PDZD8: variants seen among roughly 807,000 people sequenced by gnomAD.
PDZD8 encodes the protein PDZ domain-containing protein 8.
A neutral mutation model predicts 85.8 loss-of-function variants in PDZD8; 14 were observed. That is an observed-to-expected ratio of 0.16 (90% CI 0.11 to 0.26). The LOEUF is 0.26. Among genes scored for constraint, PDZD8 ranks in the 10% least tolerant of loss-of-function variants. The pLI is 1.00. For missense variants in PDZD8, 1,197 were observed against 1,424.3 expected (o/e 0.84, Z 2.57); for synonymous variants, 592 against 568.6 (o/e 1.04, Z -0.59).
rs1318873744 is a variant in PDZD8, at chr10:117,279,407, A to ACTT, written c.*3858_*3860dup. The ACTT allele has an allele frequency of 1.3e-5, 2 of 152,194 alleles. No individual in the cohort carries two copies. The highest frequency in any genetic ancestry group is 4.8e-5 in the African/African-American group (2 of 41,452). 9.4% of individuals were successfully genotyped at this position (152,194 alleles called of 1,614,324 possible). On this transcript the variant is annotated 3_prime_UTR_variant, in exon 5 of 5. Transcript: ENST00000334464. ...TATCTGTCCATATTTTAGCAAGTTT[A>ACTT]CTTAATAAATCTTCTGAACCATGTT...
chr10:117,356,009 G>A (rs1235670370), intron 1 of PDZD8, among the ~76,000 whole-genome samples: 1 of 151,932 alleles, frequency 6.6e-6, no homozygotes, highest in Non-Finnish European at 1.5e-5. Context: ...TTATATGCTC[G>A]TTTTTCTCTT....
rs79004036 is a variant in PDZD8 at position 117,361,675 on chromosome 10, C to T, written c.872+12681G>A. ...CAAATATGAAGGGACAACAAAAAATCTGAATAAGACAAATAAGGAGAAGTT... is the reference window on the plus strand; with the variant it reads ...CAAATATGAAGGGACAACAAAAAATTTGAATAAGACAAATAAGGAGAAGTT... On this transcript the variant is annotated intron_variant, in intron 1 of 4. Transcript: ENST00000334464. Among the ~76,000 whole-genome samples the T allele has an allele frequency of 2.7e-3, 417 of 152,142 alleles. 6 individuals are homozygous for T. Among genetic ancestry groups the T allele is most frequent in the African/African-American group, 9.1e-3 (378 of 41,522 alleles).
chr10:117,369,157 T>C (rs1845144065), intron 1 of PDZD8, among the ~76,000 whole-genome samples: 2 of 151,214 alleles, frequency 1.3e-5, no homozygotes. Flanking sequence ...TATTTATTTA[T>C]TTATTTATTT....
chr10:117,374,820 G>A lies in PDZD8; in HGVS notation c.408C>T (p.Ala136=), dbSNP rs567181925. Residue 136 remains alanine (A), a synonymous_variant, in exon 1 of 5, where the codon GCC becomes GCT. Coordinates refer to ENST00000334464, the MANE Select transcript of PDZD8 (RefSeq NM_173791.5). The surrounding 1 kb of genome is among the most constrained non-coding windows in gnomAD (Gnocchi z 7.8). Reference sequence around the variant, plus strand: ...GGCTCAGCCCCTCCAGCAGGCGCCCGGCCGTCTTGGTCTGCAGCAGCTCCT... The same window carrying A: ...GGCTCAGCCCCTCCAGCAGGCGCCCAGCCGTCTTGGTCTGCAGCAGCTCCT... The part of the protein sequence containing the change: ...EFEELLQTKT[A]GRLLEGLSLR... 27 of 1,613,378 alleles carry A rather than the reference G, an allele frequency of 1.7e-5. No homozygotes were observed. The Admixed American group carries it at 4.0e-4, about 24-fold the overall frequency.
At chr10:117,287,181 A>G (rs1000538571) in intron 4 of PDZD8, among the ~76,000 whole-genome samples, 3 of 152,004 alleles carry the variant, frequency 2.0e-5, no homozygotes, top group African/African-American at 7.3e-5. Flanking sequence ...TGCTCTATCA[A>G]TTATCCTTAA....
chr10:117,300,768 G>A lies in PDZD8; in HGVS notation c.1099-10420C>T, dbSNP rs1843833360. ...TTTTATTAGTACCCTTATAAAAGAAGCCTGAGAGAACACCCTTATCCCTTC... is the reference window on the plus strand; with the variant it reads ...TTTTATTAGTACCCTTATAAAAGAAACCTGAGAGAACACCCTTATCCCTTC... On this transcript the variant is annotated intron_variant, in intron 3 of 4. Transcript: ENST00000334464. 2.0e-5 allele frequency among the ~76,000 whole-genome samples: 3 copies of A among 152,108 alleles called. No homozygotes were observed. The South Asian group carries it at 6.2e-4, about 32-fold the overall frequency.
intron 2 of PDZD8, among the ~76,000 whole-genome samples, chr10:117,333,244 G>A (rs1166606253): frequency 6.6e-6 from 1 of 151,744 alleles, no homozygotes; most frequent in African/African-American, 2.4e-5. Flanking sequence ...GTAACTTGTG[G>A]ATCTCAGTTC....
At chr10:117,327,024 T>C (rs909766597) in intron 2 of PDZD8, among the ~76,000 whole-genome samples, 1 of 152,218 alleles carries the variant, frequency 6.6e-6, no homozygotes, top group Admixed American at 6.5e-5. Context: ...CTGATAGTAG[T>C]AGTCTCCCTA....
At chr10:117,370,081 G>A (rs1368201690) in intron 1 of PDZD8, among the ~76,000 whole-genome samples, 2 of 151,920 alleles carry the variant, frequency 1.3e-5, no homozygotes, top group Non-Finnish European at 2.9e-5. Flanking sequence ...CCTTGAGGAT[G>A]GATTCTGAGG....
chr10:117,337,285 T>A (rs1382289426), intron 2 of PDZD8, among the ~76,000 whole-genome samples: 1 of 152,094 alleles, frequency 6.6e-6, no homozygotes, highest in Non-Finnish European at 1.5e-5. Flanking sequence ...AATTATAAAT[T>A]TAAAAATAAT....
In PDZD8 at chr10:117,283,831, G is replaced by T. The variant is rs1844610728; in HGVS notation, c.2902C>A (p.Pro968Thr). 18 of 1,614,180 alleles carry T rather than the reference G, an allele frequency of 1.1e-5. No individual in the cohort carries two copies. The highest frequency in any genetic ancestry group is 1.5e-5 in the Non-Finnish European group (18 of 1,180,028). Residue 968 changes from proline to threonine, a missense_variant, in exon 5 of 5, where the codon CCA (proline) becomes ACA (threonine). Pro to Thr is a conservative substitution (Grantham distance 38, BLOSUM62 -1). Coordinates refer to ENST00000334464, the MANE Select transcript of PDZD8 (RefSeq NM_173791.5). ...TCTGACGTGTTGGGTGTGTGTTTTG[G>T]TGAAGGTTCTACGAGATCGGTTCCT... ...EPGTDLVEPSPKHTPNTSDNE... is the reference protein window; with the variant it reads ...EPGTDLVEPSTKHTPNTSDNE...
rs73407957 is a variant in PDZD8, at chr10:117,332,292, A to G, written c.995+8688T>C. Among the ~76,000 whole-genome samples, 727 of 152,256 alleles carry G rather than the reference A, an allele frequency of 4.8e-3. 11 individuals are homozygous for G. Among genetic ancestry groups the G allele is most frequent in the African/African-American group, 0.017 (699 of 41,552 alleles). On this transcript the variant is annotated intron_variant, in intron 2 of 4. Coordinates refer to ENST00000334464, the MANE Select transcript of PDZD8 (RefSeq NM_173791.5). ...TTCCTCTTATCGTTCCCTCCAAGAA[A>G]AAAACAAAAAACAAAAAACAGAACT...
chr10:117,360,089 C>A (rs923080548), intron 1 of PDZD8, among the ~76,000 whole-genome samples: 4 of 152,080 alleles, frequency 2.6e-5, no homozygotes, highest in African/African-American at 7.2e-5. Context: ...GATCAAGGTC[C>A]AAAATGCCTC....
In PDZD8 at chr10:117,279,997, T is replaced by C. The variant is rs998620347; in HGVS notation, c.*3271A>G. ...TTTTAGGGGACTTAACATTTTATTA[T>C]TTATCTTATTTTTAAGAGCCAAATA... On this transcript the variant is annotated 3_prime_UTR_variant, in exon 5 of 5. Coordinates refer to ENST00000334464, the MANE Select transcript of PDZD8 (RefSeq NM_173791.5). 16 of 152,186 alleles carry C rather than the reference T, an allele frequency of 1.1e-4. No homozygotes were observed. The highest frequency in any genetic ancestry group is 2.9e-5 in the Non-Finnish European group (2 of 68,032). 9.4% of individuals were successfully genotyped at this position (152,186 alleles called of 1,614,324 possible).
chr10:117,346,256 A>G (rs1844707015), intron 1 of PDZD8, among the ~76,000 whole-genome samples: 2 of 150,186 alleles, frequency 1.3e-5, no homozygotes, highest in Admixed American at 6.7e-5. Flanking sequence ...AAAAAACTAT[A>G]GGGAGGTATT....
At chr10:117,340,101 A>G (rs1036115402) in intron 2 of PDZD8, among the ~76,000 whole-genome samples, 28 of 152,362 alleles carry the variant, frequency 1.8e-4, no homozygotes, top group African/African-American at 6.5e-4. Flanking sequence ...GCAAAGTAAA[A>G]CAAGGAGGCT....
chr10:117,322,098 T>C (rs1844235455), intron 2 of PDZD8, among the ~76,000 whole-genome samples: 1 of 152,138 alleles, frequency 6.6e-6, no homozygotes, highest in Non-Finnish European at 1.5e-5. Flanking sequence ...CCCAAAAACA[T>C]CTCCAGGTTG....
rs1165922972 is a variant in PDZD8, at chr10:117,374,490, C to A, written c.738G>T (p.Val246=). The A allele has an allele frequency of 1.9e-6, 3 of 1,613,838 alleles. No individual in the cohort carries two copies. The highest frequency in any genetic ancestry group is 8.5e-7 in the Non-Finnish European group (1 of 1,179,862). ...CCTCGAAGTCGATCAGCGGGTCTTCCACGAAGGAGAAGAACCAGTGGGTGA... is the reference window on the plus strand; with the variant it reads ...CCTCGAAGTCGATCAGCGGGTCTTCAACGAAGGAGAAGAACCAGTGGGTGA... ...VPFTHWFFSF[V]EDPLIDFEVR... Residue 246 remains valine (V), a synonymous_variant, in exon 1 of 5, where the codon GTG becomes GTT. Coordinates refer to ENST00000334464, the MANE Select transcript of PDZD8 (RefSeq NM_173791.5). The surrounding 1 kb of genome is among the most constrained non-coding windows in gnomAD (Gnocchi z 7.8).
At chr10:117,363,508 A>C (rs577868644) in intron 1 of PDZD8, among the ~76,000 whole-genome samples, 2 of 152,292 alleles carry the variant, frequency 1.3e-5, no homozygotes, top group South Asian at 4.1e-4. Context: ...TTATACAGGT[A>C]GGATATTATA....
Sources: gnomAD v4.1 joint callset for allele counts (sites outside exome capture counted in the v4.1 genomes callset) on GRCh38, gnomAD v4.1.1 for gene constraint, Gnocchi (gnomAD v3.1) non-coding constraint, MANE v1.5 for transcripts, NCBI Gene and HGNC (gene_info 2026-07-23, HGNC 2026-07-21) for gene names.